SURF4: variants seen among roughly 807,000 people sequenced by gnomAD.
SURF4 encodes surfeit 4.
A neutral mutation model predicts 30.0 loss-of-function variants in SURF4; 3 were observed. The ratio of observed to expected loss-of-function variants is 0.10; its 90% CI spans 0.05 to 0.26. The LOEUF is 0.26. SURF4 is among the 10% of genes least tolerant of loss of function. The probability of loss-of-function intolerance (pLI) is 1.00; values close to 1 mark genes in which losing one functional copy is unlikely to be tolerated. For synonymous variants in SURF4, 143 were observed against 139.9 expected (o/e 1.02, Z -0.16); for missense variants, 217 against 350.8 (o/e 0.62, Z 3.05).
rs1836830062 is a variant in SURF4, at chr9:133,361,885, A to G, written c.*1608T>C. On this transcript the variant is annotated 3_prime_UTR_variant, in exon 6 of 6. Coordinates refer to ENST00000371989, the MANE Select transcript of SURF4 (RefSeq NM_033161.4). ...ACTAACAGGGAGCGAGGTGTGGACC[A>G]AGAGACAGCCCTGGTGAGGTTGAAA... 6.6e-6 allele frequency: 1 copy of G among 152,406 alleles called. No homozygotes were observed. Among genetic ancestry groups the G allele is most frequent in the South Asian group, 2.1e-4 (1 of 4,822 alleles). The allele number at this position is 152,406 out of a possible 1,614,324, so 9.4% of individuals were successfully genotyped here. A position where few individuals can be genotyped will look rare whatever the true frequency, so the allele number is the denominator to read the frequency against.
At chr9:133,377,895 T>C (rs1340048554), upstream of SURF4, among the ~76,000 whole-genome samples, 1 of 152,206 alleles carries the variant, frequency 6.6e-6, no homozygotes, top group Non-Finnish European at 1.5e-5. Context: ...TTCTTGCAAC[T>C]AGACCATCCT....
intron 5 of SURF4, among the ~76,000 whole-genome samples, 154 bp downstream of exon 5, chr9:133,364,686 G>A (rs1172269325): frequency 4.7e-5 from 6 of 128,318 alleles, no homozygotes; most frequent in East Asian, 2.5e-4. Context: ...GCGAGACTCC[G>A]TCTCAAAAAA....
upstream of SURF4, chr9:133,376,528 G>A (rs1588729956): frequency 6.2e-7 from 1 of 1,601,346 alleles, no homozygotes; most frequent in Non-Finnish European, 8.5e-7. Context: ...GCGAGGCCCA[G>A]GGTCCCCCGG....
chr9:133,366,052 A>G (rs2130122979), intron 3 of SURF4, 24 bp from the exon 4 acceptor site: 1 of 1,613,246 alleles, frequency 6.2e-7, no homozygotes, highest in Non-Finnish European at 8.5e-7. Context: ...AGAGAGAGAT[A>G]CTTGAGTCTC....
rs1047296850 is a variant in SURF4 at position 133,376,017 on chromosome 9, C to G, written c.-48G>C. On this transcript the variant is annotated 5_prime_UTR_variant, in exon 1 of 6. Coordinates refer to ENST00000371989, the MANE Select transcript of SURF4 (RefSeq NM_033161.4). ...CGGCTCGCTCGCTCGCTCGCTGGCT[C>G]TCGCCCGTCGGCGCCCGCACCCGCT... 1.6e-6 allele frequency: 2 copies of G among 1,218,796 alleles called. No individual in the cohort carries two copies. Among genetic ancestry groups the G allele is most frequent in the African/African-American group, 3.1e-5 (2 of 63,644 alleles). 75.5% of individuals were successfully genotyped at this position (1,218,796 alleles called of 1,614,324 possible).
chr9:133,363,879 T>C lies in SURF4; in HGVS notation c.544-120A>G, dbSNP rs1381835340. 10 of 1,264,494 alleles carry C rather than the reference T, an allele frequency of 7.9e-6. No homozygotes were observed. Among genetic ancestry groups the C allele is most frequent in the African/African-American group, 4.4e-5 (3 of 67,474 alleles). 78.3% of individuals were successfully genotyped at this position (1,264,494 alleles called of 1,614,324 possible). A position where few individuals can be genotyped will look rare whatever the true frequency, so the allele number is the denominator to read the frequency against. Reference sequence around the variant, plus strand: ...CTATCCATCAGGCTGATGTAGCTACTGCTGAGACGGCTGCTGGTGCAAGTA... The same window carrying C: ...CTATCCATCAGGCTGATGTAGCTACCGCTGAGACGGCTGCTGGTGCAAGTA... On this transcript the variant is annotated intron_variant, in intron 5 of 5. Coordinates refer to ENST00000371989, the MANE Select transcript of SURF4 (RefSeq NM_033161.4). The surrounding 1 kb of genome is among the most constrained non-coding windows in gnomAD (Gnocchi z 4.3).
chr9:133,367,565 G>A (rs2130146321), intron 1 of SURF4, 120 bp from the exon 2 acceptor site: 158 of 1,548,210 alleles, frequency 1.0e-4, no homozygotes, highest in Non-Finnish European at 1.3e-4. Flanking sequence ...AAGAGCTCTT[G>A]TCAGCCCCGG....
At chr9:133,377,694 C>T (rs180990996), upstream of SURF4, among the ~76,000 whole-genome samples, 74 of 152,246 alleles carry the variant, frequency 4.9e-4, 1 homozygote, top group East Asian at 0.014. Flanking sequence ...CAGTCCCCAA[C>T]CTTTTTGGCA....
At chr9:133,366,794 A>G (rs1837203250) in intron 2 of SURF4, 119 bp from the exon 3 acceptor site, 2 of 786,816 alleles carry the variant, frequency 2.5e-6, no homozygotes, top group Non-Finnish European at 4.2e-6. Context: ...CACCTACCCA[A>G]GCAAAAGACA....
At chr9:133,367,135 G>C (rs1364019472) in intron 2 of SURF4, 124 bp downstream of exon 2, 1 of 1,274,956 alleles carries the variant, frequency 7.8e-7, no homozygotes, top group Non-Finnish European at 1.1e-6. Context: ...CTGAGCTGGA[G>C]AAGAGGGGAA....
At position 133,361,930 on chromosome 9, in the gene SURF4, T is replaced by G. The variant is rs1836833028; in HGVS notation, c.*1563A>C. ...TTGAAACACTGAGACAAGCCAGTCT[T>G]CATGCAGTGAGCACTTGAATGATCA... is the stretch of plus-strand genomic sequence containing the variant. On this transcript the variant is annotated 3_prime_UTR_variant, in exon 6 of 6. Transcript: ENST00000371989. 6.6e-6 allele frequency: 1 copy of G among 152,254 alleles called. No individual in the cohort carries two copies. The highest frequency in any genetic ancestry group is 6.5e-5 in the Admixed American group (1 of 15,288). The allele number at this position is 152,254 out of a possible 1,614,324, so 9.4% of individuals were successfully genotyped here. A position where few individuals can be genotyped will look rare whatever the true frequency, so the allele number is the denominator to read the frequency against.
chr9:133,370,664 A>G (rs891227139), intron 1 of SURF4, among the ~76,000 whole-genome samples: 1 of 152,218 alleles, frequency 6.6e-6, no homozygotes, highest in Non-Finnish European at 1.5e-5. Context: ...CAACACAGGC[A>G]GGACACACAG....
chr9:133,375,360 G>A (rs1032438297), intron 1 of SURF4: 54 of 985,654 alleles, frequency 5.5e-5, no homozygotes, highest in Non-Finnish European at 6.3e-5. Context: ...CGCAGACAGG[G>A]TCAAAGGGAC....
intron 1 of SURF4, chr9:133,375,256 G>A (rs1837816140): frequency 3.0e-6 from 3 of 985,480 alleles, no homozygotes; most frequent in Non-Finnish European, 2.4e-6. Context: ...CTTCTGGAAG[G>A]AGACTATCAG....
intron 1 of SURF4, among the ~76,000 whole-genome samples, chr9:133,373,311 G>T (rs1413097287): frequency 6.6e-6 from 1 of 152,192 alleles, no homozygotes; most frequent in Non-Finnish European, 1.5e-5. Flanking sequence ...CAGAATACAT[G>T]ATGAAGGCTG....
intron 1 of SURF4, among the ~76,000 whole-genome samples, chr9:133,373,252 C>T (rs943122435): frequency 6.6e-6 from 1 of 152,186 alleles, no homozygotes; most frequent in South Asian, 2.1e-4. Flanking sequence ...TGTGCCCCCT[C>T]AAGAGCCTTT....
In SURF4 at chr9:133,375,915, G is replaced by C. The variant is rs2119193382; in HGVS notation, c.48+7C>G. 8.2e-7 allele frequency: 1 copy of C among 1,226,536 alleles called. No individual in the cohort carries two copies. Among genetic ancestry groups the C allele is most frequent in the South Asian group, 4.0e-5 (1 of 24,742 alleles). 76.0% of individuals were successfully genotyped at this position (1,226,536 alleles called of 1,614,324 possible). On this transcript the variant is annotated splice_region_variant and intron_variant, in intron 1 of 5. Coordinates refer to ENST00000371989, the MANE Select transcript of SURF4 (RefSeq NM_033161.4). ...CCGGGGCCGGGGGAGGAGCCCGCAG[G>C]CCGCACCTGGTCGGCGAAGTCCTCG... is the stretch of plus-strand genomic sequence containing the variant.
At chr9:133,374,653 A>G (rs1348770714) in intron 1 of SURF4, among the ~76,000 whole-genome samples, 2 of 152,364 alleles carry the variant, frequency 1.3e-5, no homozygotes, top group East Asian at 3.9e-4. Flanking sequence ...TGCTTCGTCA[A>G]GTTGATTACT....
At chr9:133,376,268 C>T, upstream of SURF4, 1 of 1,304,872 alleles carries the variant, frequency 7.7e-7, no homozygotes, top group Non-Finnish European at 9.7e-7. Context: ...CCGCCCGCCG[C>T]GCGCAGGCCC....
Sources: gnomAD v4.1 joint callset for allele counts (sites outside exome capture counted in the v4.1 genomes callset) on GRCh38, gnomAD v4.1.1 for gene constraint, Gnocchi (gnomAD v3.1) non-coding constraint, MANE v1.5 for transcripts, NCBI Gene and HGNC (gene_info 2026-07-23, HGNC 2026-07-21) for gene names.